The following CNOT4 variants were observed in gnomAD, a reference collection of about 807,000 sequenced individuals.
CNOT4 encodes the protein CCR4-NOT transcription complex subunit 4, also known as CCR4-associated factor 4.
A neutral mutation model predicts 73.8 loss-of-function variants in CNOT4; 8 were observed. The observed-to-expected ratio is 0.11, with a 90% CI of 0.06 to 0.20. CNOT4 has a LOEUF of 0.20. Ranked by LOEUF, CNOT4 falls within the 10% of genes least tolerant of loss-of-function variation. CNOT4 has a pLI of 1.00. For missense variants in CNOT4, 564 were observed against 883.4 expected (o/e 0.64, Z 4.58); for synonymous variants, 293 against 321.1 (o/e 0.91, Z 0.94).
At chr7:135,479,892 A>C (rs1481904922) in intron 1 of CNOT4, among the ~76,000 whole-genome samples, 1 of 152,186 alleles carries the variant, frequency 6.6e-6, no homozygotes, top group Non-Finnish European at 1.5e-5. Context: ...CTTACATCAA[A>C]AAAACAAAAC....
At chr7:135,488,276 C>T (rs1802873090) in intron 1 of CNOT4, among the ~76,000 whole-genome samples, 1 of 152,218 alleles carries the variant, frequency 6.6e-6, no homozygotes, top group Non-Finnish European at 1.5e-5. Flanking sequence ...ATTCTCTTGC[C>T]TCAGCCTCCT....
rs899502621 is a variant in CNOT4 at position 135,433,865 on chromosome 7, A to G, written c.174+4293T>C. On this transcript the variant is annotated intron_variant, in intron 2 of 11. Transcript: ENST00000541284. ...CTCAGAAATGCTGCACTAAAAGGACACATGAAAGCAGTCTAAGAAAAAACC... is the reference window on the plus strand; with the variant it reads ...CTCAGAAATGCTGCACTAAAAGGACGCATGAAAGCAGTCTAAGAAAAAACC... 3.3e-4 allele frequency among the ~76,000 whole-genome samples: 50 copies of G among 152,222 alleles called. 1 individual carries two copies. Among genetic ancestry groups the G allele is most frequent in the African/African-American group, 1.2e-3 (50 of 41,460 alleles).
chr7:135,406,624 G>A (rs1797302883), intron 7 of CNOT4, among the ~76,000 whole-genome samples: 1 of 152,134 alleles, frequency 6.6e-6, no homozygotes, highest in African/African-American at 2.4e-5. Context: ...TTACACCACT[G>A]TGCTCCAGCC....
chr7:135,492,805 A>C (rs964614267), intron 1 of CNOT4, among the ~76,000 whole-genome samples: 1 of 152,178 alleles, frequency 6.6e-6, no homozygotes, highest in African/African-American at 2.4e-5. Context: ...AGATAGGACC[A>C]TGAAGTGCCT....
intron 1 of CNOT4, among the ~76,000 whole-genome samples, chr7:135,482,105 CAAAT>C (rs1802419148): frequency 6.6e-6 from 1 of 152,088 alleles, no homozygotes; most frequent in African/African-American, 2.4e-5. Context: ...GTTCCCAACA[CAAAT>C]AATAAATATT....
intron 1 of CNOT4, among the ~76,000 whole-genome samples, chr7:135,495,594 T>C (rs1470027833): frequency 7.0e-6 from 1 of 143,256 alleles, no homozygotes; most frequent in African/African-American, 2.6e-5. Context: ...GAGGATTACC[T>C]GAGGCTGGGA....
At chr7:135,439,547 T>C (rs887486705) in intron 1 of CNOT4, among the ~76,000 whole-genome samples, 2 of 152,194 alleles carry the variant, frequency 1.3e-5, no homozygotes, top group South Asian at 2.1e-4. Context: ...GGAGGACTGC[T>C]TGAGGGCAGG....
chr7:135,509,031 A>T (rs1804556831), intron 1 of CNOT4: 1 of 152,222 alleles, frequency 6.6e-6, no homozygotes, highest in Non-Finnish European at 1.5e-5. Context: ...GAGTAGCCTG[A>T]ATAAAAGATC....
chr7:135,424,199 C>T (rs981286169), intron 2 of CNOT4, among the ~76,000 whole-genome samples: 3 of 152,032 alleles, frequency 2.0e-5, no homozygotes, highest in African/African-American at 7.2e-5. Context: ...TAGTCATCCA[C>T]ATTTAAGTTT....
At position 135,410,645 on chromosome 7, in the gene CNOT4, C is replaced by T. The variant is rs1413981263; in HGVS notation, c.691G>A (p.Gly231Ser). The change falls in exon 7 of 12, where the codon GGT (glycine) becomes AGT (serine). Residue 231 changes from glycine (G) to serine (S), a missense_variant. Transcript: ENST00000541284. ...ASFTKEEMQAGKHQEYEQKLL... is the reference protein window; with the variant it reads ...ASFTKEEMQASKHQEYEQKLL... ...TTCTGTTCATATTCTTGGTGTTTACCCGCCTAACGAAAGAAGAAATTAAAA... is the reference window on the plus strand; with the variant it reads ...TTCTGTTCATATTCTTGGTGTTTACTCGCCTAACGAAAGAAGAAATTAAAA... The T allele has an allele frequency of 3.8e-6, 6 of 1,578,448 alleles. No individual in the cohort carries two copies. Among genetic ancestry groups the T allele is most frequent in the Non-Finnish European group, 4.3e-6 (5 of 1,165,786 alleles).
At chr7:135,441,095 C>A (rs1799452332) in intron 1 of CNOT4, among the ~76,000 whole-genome samples, 1 of 151,998 alleles carries the variant, frequency 6.6e-6, no homozygotes, top group Non-Finnish European at 1.5e-5. Flanking sequence ...CATATAAACC[C>A]TGTATGCATA....
intron 2 of CNOT4, among the ~76,000 whole-genome samples, chr7:135,427,014 T>C (rs1244846491): frequency 6.6e-6 from 1 of 152,178 alleles, no homozygotes; most frequent in Non-Finnish European, 1.5e-5. Context: ...AATGAAAAGT[T>C]ACAAGCAGAA....
intron 1 of CNOT4, among the ~76,000 whole-genome samples, chr7:135,507,044 A>T (rs904455113): frequency 5.3e-5 from 8 of 152,184 alleles, no homozygotes; most frequent in Admixed American, 5.2e-4. Flanking sequence ...CCTTTAAAGC[A>T]CACAAAATCA....
chr7:135,425,530 T>A (rs1043850003), intron 2 of CNOT4, among the ~76,000 whole-genome samples: 1 of 152,200 alleles, frequency 6.6e-6, no homozygotes, highest in South Asian at 2.1e-4. Context: ...GGAAATATAT[T>A]TCCATCAGGC....
At chr7:135,385,874 A>G (rs1796094933) in intron 10 of CNOT4, among the ~76,000 whole-genome samples, 1 of 152,172 alleles carries the variant, frequency 6.6e-6, no homozygotes, top group South Asian at 2.1e-4. Context: ...TCAACCTTGT[A>G]TCTCTAAAGA....
intron 1 of CNOT4, among the ~76,000 whole-genome samples, chr7:135,441,579 A>C (rs541333042): frequency 2.6e-4 from 39 of 151,948 alleles, no homozygotes; most frequent in African/African-American, 8.9e-4. Context: ...GTAAACTGAA[A>C]TAATCAAATG....
intron 10 of CNOT4, chr7:135,388,240 A>G: frequency 1.0e-6 from 1 of 985,016 alleles, no homozygotes; most frequent in African/African-American, 1.7e-5. Context: ...GTTTCTACAC[A>G]TGTAATGCAT....
At chr7:135,443,836 G>T (rs1156554055) in intron 1 of CNOT4, among the ~76,000 whole-genome samples, 1 of 152,152 alleles carries the variant, frequency 6.6e-6, no homozygotes, top group African/African-American at 2.4e-5. Context: ...TTAGGGTCCT[G>T]TTCAAAACAT....
chr7:135,472,559 A>ATATAT (rs1585699249), intron 1 of CNOT4, among the ~76,000 whole-genome samples: 61 of 104,154 alleles, frequency 5.9e-4, no homozygotes, highest in South Asian at 1.7e-3. Flanking sequence ...ATATATATAT[A>ATATAT]AAGTGATCCT....
Sources: gnomAD v4.1 joint callset for allele counts (sites outside exome capture counted in the v4.1 genomes callset) on GRCh38, gnomAD v4.1.1 for gene constraint, MANE v1.5 for transcripts, NCBI Gene and HGNC (gene_info 2026-07-23, HGNC 2026-07-21) for gene names.